Variants in RFX7 observed in about 807,000 individuals in gnomAD.
RFX7 encodes regulatory factor X7, also known as DNA-binding protein RFX7.
RFX7 carries 26 observed loss-of-function variants against 111.8 expected under a neutral mutation model. The ratio of observed to expected loss-of-function variants is 0.23; its 90% confidence interval spans 0.17 to 0.32. The LOEUF is 0.32. Among genes scored for constraint, RFX7 ranks in the 10% least tolerant of loss-of-function variants. The probability of loss-of-function intolerance (pLI) is 1.00; values close to 1 mark genes in which losing one functional copy is unlikely to be tolerated. For missense variants in RFX7, 1,573 were observed against 1,772.9 expected, an observed-to-expected ratio of 0.89 and a Z score of 2.02; for synonymous variants, 624 against 624.4, an observed-to-expected ratio of 1.00 and a Z score of 0.01.
At chr15:56,148,838 T>C (rs2042523200) in intron 3 of RFX7, among the ~76,000 whole-genome samples, 1 of 152,026 alleles carries the variant, frequency 6.6e-6, no homozygotes, top group Non-Finnish European at 1.5e-5. Context: ...TCCCAGAACT[T>C]TGGGAGGCTG....
intron 2 of RFX7, among the ~76,000 whole-genome samples, chr15:56,184,021 T>C (rs2043006280): frequency 6.8e-6 from 1 of 147,526 alleles, no homozygotes; most frequent in Non-Finnish European, 1.5e-5. Context: ...CAGCATGTAG[T>C]TGTTTTTTTT....
At chr15:56,189,510 T>C (rs1189759839) in intron 2 of RFX7, among the ~76,000 whole-genome samples, 6 of 151,460 alleles carry the variant, frequency 4.0e-5, no homozygotes, top group African/African-American at 1.2e-4. Context: ...AAAAGACTTA[T>C]GCCCAGAATA....
intron 2 of RFX7, among the ~76,000 whole-genome samples, chr15:56,216,940 C>T (rs1294298815): frequency 6.6e-6 from 1 of 152,120 alleles, no homozygotes; most frequent in Non-Finnish European, 1.5e-5. Context: ...AGGCACACAC[C>T]ACCATGCGTG....
intron 2 of RFX7, among the ~76,000 whole-genome samples, chr15:56,239,513 C>T (rs1035868797): frequency 3.2e-4 from 49 of 152,112 alleles, no homozygotes; most frequent in African/African-American, 9.2e-4. Context: ...GTGATCCGCC[C>T]GCCTCAGCCT....
rs2041565565 is a variant in RFX7 at position 56,089,160 on chromosome 15, CTTTG to C, written c.*4181_*4184del. 6.6e-6 allele frequency: 1 copy of C among 152,230 alleles called. No individual in the cohort carries two copies. Among genetic ancestry groups the C allele is most frequent in the Non-Finnish European group, 1.5e-5 (1 of 68,014 alleles). 9.4% of individuals were successfully genotyped at this position (152,230 alleles called of 1,614,324 possible). On this transcript the variant is annotated 3_prime_UTR_variant, in exon 10 of 10. Coordinates refer to ENST00000559447, the MANE Select transcript of RFX7 (RefSeq NM_022841.7). ...CTAAGTAATTGGCCTTAGGATGAGCCTTTGTTTAATACAATGAGACTAACAGTGT... is the reference window on the plus strand; with the variant it reads ...CTAAGTAATTGGCCTTAGGATGAGCCTTTAATACAATGAGACTAACAGTGT...
chr15:56,169,657 A>G (rs145111188), intron 3 of RFX7, among the ~76,000 whole-genome samples: 116 of 148,666 alleles, frequency 7.8e-4, no homozygotes, highest in Middle Eastern at 3.7e-3. Flanking sequence ...GTTTCATTCT[A>G]TAGCCTCTGC....
intron 3 of RFX7, among the ~76,000 whole-genome samples, chr15:56,170,357 C>G (rs1404056911): frequency 1.3e-5 from 2 of 152,086 alleles, no homozygotes; most frequent in South Asian, 4.1e-4. Context: ...GTACGTGTTA[C>G]GAACAAAGAA....
At position 56,096,361 on chromosome 15, in the gene RFX7, G is replaced by C. The variant is rs2041677614; in HGVS notation, c.1367C>G (p.Pro456Arg). ...SPTTVLFTSSPIKTAVVPASH... is the reference protein window; with the variant it reads ...SPTTVLFTSSRIKTAVVPASH... ...AGCGGGTACAACAGCAGTTTTGATG[G>C]GACTACTAGTAAAGAGGACAGTAGT... The change falls in exon 10 of 10, where the codon CCC (proline) becomes CGC (arginine). Residue 456 changes from proline (P) to arginine (R), a missense_variant. By Grantham distance (103) the Pro-to-Arg change is moderately radical. Around this residue, in one of 7 missense-constraint regions of RFX7, gnomAD observed 15 missense variants for 32.4 expected, o/e 0.46. Coordinates refer to ENST00000559447, the MANE Select transcript of RFX7 (RefSeq NM_022841.7). The C allele has an allele frequency of 6.2e-7, 1 of 1,613,822 alleles. No homozygotes were observed. Among genetic ancestry groups the C allele is most frequent in the South Asian group, 1.1e-5 (1 of 91,080 alleles).
chr15:56,243,890 C>G (rs1183782881), upstream of RFX7: 3 of 148,836 alleles, frequency 2.0e-5, no homozygotes, highest in Admixed American at 6.7e-5. Flanking sequence ...GCACTGCGGC[C>G]CGGCGCAGAC....
intron 3 of RFX7, among the ~76,000 whole-genome samples, chr15:56,168,279 A>C (rs200273117): frequency 6.6e-6 from 1 of 152,238 alleles, no homozygotes; most frequent in Admixed American, 6.5e-5. Flanking sequence ...AATACTAACA[A>C]TAACAATAAA....
chr15:56,129,574 CAGT>C (rs2042187274), intron 5 of RFX7, among the ~76,000 whole-genome samples: 1 of 152,132 alleles, frequency 6.6e-6, no homozygotes, highest in African/African-American at 2.4e-5. Flanking sequence ...GATATTCTTA[CAGT>C]ATACTTTCAA....
At chr15:56,171,476 G>A (rs1349764462) in intron 3 of RFX7, among the ~76,000 whole-genome samples, 1 of 151,978 alleles carries the variant, frequency 6.6e-6, no homozygotes, top group Non-Finnish European at 1.5e-5. Context: ...AATGTAAAAA[G>A]GCTCAAGCAG....
At chr15:56,228,935 G>T (rs2043517222) in intron 2 of RFX7, among the ~76,000 whole-genome samples, 1 of 151,986 alleles carries the variant, frequency 6.6e-6, no homozygotes, top group Admixed American at 6.6e-5. Context: ...TTAATTGTAA[G>T]AACAAAATAG....
At chr15:56,164,047 A>G (rs1368423871) in intron 3 of RFX7, among the ~76,000 whole-genome samples, 1 of 152,232 alleles carries the variant, frequency 6.6e-6, no homozygotes, top group Non-Finnish European at 1.5e-5. Flanking sequence ...AAGAGGATTA[A>G]AGAGTGCATG....
chr15:56,243,408 A>C, intron 1 of RFX7, 37 bp downstream of exon 1: 1 of 1,063,254 alleles, frequency 9.4e-7, no homozygotes, highest in Non-Finnish European at 1.2e-6. Context: ...GAAGAGGAGG[A>C]GGAGGAGGAA....
chr15:56,135,598 G>C (rs2141002178), intron 5 of RFX7, among the ~76,000 whole-genome samples: 1 of 151,958 alleles, frequency 6.6e-6, no homozygotes, highest in Middle Eastern at 3.4e-3. Flanking sequence ...TTCTTTTGCT[G>C]TGCAGAAGCT....
At chr15:56,134,488 C>G (rs2042263426) in intron 5 of RFX7, among the ~76,000 whole-genome samples, 1 of 151,936 alleles carries the variant, frequency 6.6e-6, no homozygotes, top group Non-Finnish European at 1.5e-5. Flanking sequence ...GAATAATTCT[C>G]TCCAATTCCA....
At chr15:56,239,237 A>G (rs140384168) in intron 2 of RFX7, among the ~76,000 whole-genome samples, 4,080 of 152,226 alleles carry the variant, frequency 0.027, 177 homozygotes, top group African/African-American at 0.092. Flanking sequence ...TATGTTTCAT[A>G]TACACCTTAT....
chr15:56,191,678 T>C (rs2043101954), intron 2 of RFX7, among the ~76,000 whole-genome samples: 1 of 152,136 alleles, frequency 6.6e-6, no homozygotes, highest in African/African-American at 2.4e-5. Context: ...TTTGCAACAC[T>C]GATTTCTTGT....
Sources: gnomAD v4.1 joint callset for allele counts (sites outside exome capture counted in the v4.1 genomes callset) on GRCh38, gnomAD v4.1.1 for gene constraint, gnomAD v4.1.1 regional missense constraint, MANE v1.5 for transcripts, NCBI Gene and HGNC (gene_info 2026-07-23, HGNC 2026-07-21) for gene names.